The following GSTA1 variants were observed in gnomAD, a reference collection of about 807,000 sequenced individuals.
GSTA1 encodes the protein glutathione S-transferase alpha 1.
A neutral mutation model predicts 21.5 loss-of-function variants in GSTA1; 23 were observed. That is an observed-to-expected ratio of 1.07 (90% confidence interval 0.77 to 1.52). GSTA1 has a LOEUF of 1.52. Among genes scored for constraint, GSTA1 ranks in the 40% most tolerant of loss-of-function variants. The pLI is 0.00. For synonymous variants in GSTA1, 125 were observed against 90.0 expected, an observed-to-expected ratio of 1.39 and a Z score of -2.20; for missense variants, 301 against 264.2, an observed-to-expected ratio of 1.14 and a Z score of -0.96.
At chr6:52,795,344 A>G (rs1226338556) in intron 4 of GSTA1, among the ~76,000 whole-genome samples, 4 of 151,890 alleles carry the variant, frequency 2.6e-5, no homozygotes, top group South Asian at 2.1e-4. Context: ...GCTAAGGCAC[A>G]TTTTTCTCCT....
chr6:52,792,871 G>C lies in GSTA1; in HGVS notation c.531C>G (p.Ser177Arg), dbSNP rs776544278. 40 of 1,613,886 alleles carry C rather than the reference G, an allele frequency of 2.5e-5. No homozygotes were observed. The highest frequency in any genetic ancestry group is 3.4e-5 in the Non-Finnish European group (40 of 1,179,918). Reference protein sequence around the residue: ...VEELDSSLISSFPLLKALKTR... With the variant: ...VEELDSSLISRFPLLKALKTR... ...AATGGGTCACCTTCAGCAGAGGGAA[G>C]CTGGAGATAAGACTGGAGTCAAGCT... Residue 177 changes from serine to arginine, a missense_variant, in exon 6 of 7, where the codon AGC becomes AGG. Coordinates refer to ENST00000334575, the MANE Select transcript of GSTA1 (RefSeq NM_145740.5).
At chr6:52,792,026 A>G in intron 6 of GSTA1, 46 bp from the exon 7 acceptor site, 1 of 1,610,692 alleles carries the variant, frequency 6.2e-7, no homozygotes, top group African/African-American at 1.3e-5. Context: ...AAGGGCTGAC[A>G]CCACCATTAA....
intron 1 of GSTA1, among the ~76,000 whole-genome samples, chr6:52,803,562 G>A (rs976485936): frequency 5.3e-5 from 8 of 151,954 alleles, no homozygotes; most frequent in Admixed American, 3.9e-4. Context: ...AAATGCTGAA[G>A]CCCTGGTTTT....
intron 1 of GSTA1, among the ~76,000 whole-genome samples, chr6:52,802,444 G>C (rs1417871288): frequency 6.6e-6 from 1 of 152,118 alleles, no homozygotes; most frequent in African/African-American, 2.4e-5. Flanking sequence ...ACTTTTGAGG[G>C]TTGTTGAGAA....
chr6:52,799,142 T>C (rs776054945), intron 2 of GSTA1, 39 bp downstream of exon 2: 3 of 1,584,152 alleles, frequency 1.9e-6, no homozygotes. Context: ...GATAACACAA[T>C]TTTAAATCCA....
chr6:52,799,254 G>A lies in GSTA1; in HGVS notation c.14C>T (p.Pro5Leu), dbSNP rs770479043. ...CCGTGCATTGAAGTAGTGGAGCTTG[G>A]GCTTCTCTGCCATGATAGCAGTCTC... MAEK[P>L]KLHYFNARGR... is the part of the protein sequence containing the mutation. The change falls in exon 2 of 7, where the codon CCC becomes CTC. Residue 5 changes from proline (P) to leucine (L), a missense_variant. Transcript: ENST00000334575. The A allele has an allele frequency of 6.2e-6, 10 of 1,613,664 alleles. No homozygotes were observed. The South Asian group carries it at 9.9e-5, about 16-fold the overall frequency.
Position 52,792,842 on chromosome 6 carries a change from G to T in GSTA1, c.546+14C>A. The stretch of plus-strand genomic sequence containing the variant: ...AGATGTGGGGCTGCCTCTCTGGGCT[G>T]TGAAATGGGTCACCTTCAGCAGAGG... On this transcript the variant is annotated intron_variant, in intron 6 of 6. Coordinates refer to ENST00000334575, the MANE Select transcript of GSTA1 (RefSeq NM_145740.5). The T allele has an allele frequency of 6.2e-7, 1 of 1,613,762 alleles. No homozygotes were observed. The highest frequency in any genetic ancestry group is 8.5e-7 in the Non-Finnish European group (1 of 1,179,766).
chr6:52,792,385 C>T (rs1240955576), intron 6 of GSTA1, among the ~76,000 whole-genome samples: 1 of 152,094 alleles, frequency 6.6e-6, no homozygotes, highest in Non-Finnish European at 1.5e-5. Context: ...ACCATGGGAC[C>T]ACCTTTTCTC....
chr6:52,796,489 A>ATATG (rs1763589125), intron 3 of GSTA1, among the ~76,000 whole-genome samples, 175 bp from the exon 4 acceptor site: 3 of 13,080 alleles, frequency 2.3e-4, no homozygotes, highest in African/African-American at 1.3e-3. Flanking sequence ...ATATATATAT[A>ATATG]TGTGTGTGTG....
chr6:52,791,956 G>T lies in GSTA1; in HGVS notation c.571C>A (p.Leu191Met). ...LKALKTRISN[L>M]PTVKKFLQPG... ...TGTAGAAACTTCTTCACTGTGGGCA[G>T]GTTGCTGATTCTGGTTTTCAGGGCC... The change falls in exon 7 of 7, where the codon CTG (leucine) becomes ATG (methionine). Residue 191 changes from leucine to methionine, a missense_variant. Transcript: ENST00000334575. 1 of 1,613,948 alleles carries T rather than the reference G, an allele frequency of 6.2e-7. No individual in the cohort carries two copies. Among genetic ancestry groups the T allele is most frequent in the South Asian group, 1.1e-5 (1 of 91,062 alleles).
intron 2 of GSTA1, 101 bp downstream of exon 2, chr6:52,799,080 G>T: frequency 2.8e-6 from 3 of 1,081,114 alleles, no homozygotes; most frequent in Non-Finnish European, 2.8e-6. Flanking sequence ...TTTTATTTAA[G>T]GCACAATGCT....
chr6:52,799,277 C>T lies in GSTA1; in HGVS notation c.-10G>A, dbSNP rs1268261427. 6.2e-7 allele frequency: 1 copy of T among 1,608,592 alleles called. No individual in the cohort carries two copies. The highest frequency in any genetic ancestry group is 1.7e-5 in the Admixed American group (1 of 58,938). On this transcript the variant is annotated 5_prime_UTR_variant, in exon 2 of 7. Coordinates refer to ENST00000334575, the MANE Select transcript of GSTA1 (RefSeq NM_145740.5). ...TGGGCTTCTCTGCCATGATAGCAGT[C>T]TCCTGGAGGTTTCTCTAAGCCTGAA...
Position 52,792,863 on chromosome 6 carries a change from AGAGGGAAGC to A in GSTA1, c.530_538del (p.Ser177_Leu180delinsMet), listed in dbSNP as rs1426276515. On this transcript the variant is annotated inframe_deletion, in exon 6 of 7. Transcript: ENST00000334575. ...GGCTGTGAAATGGGTCACCTTCAGC[AGAGGGAAGC>A]TGGAGATAAGACTGGAGTCAAGCTC... is the stretch of plus-strand genomic sequence containing the variant. 6.8e-6 allele frequency: 11 copies of A among 1,613,968 alleles called. No homozygotes were observed. Among genetic ancestry groups the A allele is most frequent in the Non-Finnish European group, 9.3e-6 (11 of 1,179,924 alleles).
chr6:52,800,842 A>G (rs1423795792), intron 1 of GSTA1, among the ~76,000 whole-genome samples: 3 of 152,208 alleles, frequency 2.0e-5, no homozygotes. Context: ...TTGAGTGTGG[A>G]ACAAAAATAT....
chr6:52,802,178 T>G (rs1763733575), intron 1 of GSTA1, among the ~76,000 whole-genome samples: 1 of 152,142 alleles, frequency 6.6e-6, no homozygotes, highest in Non-Finnish European at 1.5e-5. Context: ...TATAATTACT[T>G]TACATCAATA....
intron 3 of GSTA1, among the ~76,000 whole-genome samples, 157 bp from the exon 4 acceptor site, chr6:52,796,471 ATATATATATATATATATATGTGTG>A (rs1417780883): frequency 3.8e-3 from 44 of 11,550 alleles, no homozygotes; most frequent in Non-Finnish European, 4.4e-3. Context: ...ATATATATAT[ATATATATATATATATATATGTGTG>A]TGTGTGTGTG....
At position 52,801,821 on chromosome 6, in the gene GSTA1, C is replaced by T. The variant is rs367894101; in HGVS notation, c.-31+1964G>A. On this transcript the variant is annotated intron_variant, in intron 1 of 6. Transcript: ENST00000334575. ...AACCCTGGGAAATGGCTCCTATTAT[C>T]CAAATTAAAGATGGGCACACTGAGT... Among the ~76,000 whole-genome samples the T allele has an allele frequency of 3.3e-5, 5 of 152,158 alleles. No individual in the cohort carries two copies. In the East Asian group the frequency reaches 5.8e-4, roughly 18 times the overall value.
rs1338595217 is a variant in GSTA1 at position 52,794,257 on chromosome 6, C to A, written c.282G>T (p.Met94Ile). The change falls in exon 5 of 7, where the codon ATG (methionine) becomes ATT (isoleucine). Residue 94 changes from methionine to isoleucine, a missense_variant. Transcript: ENST00000334575. ...KDIKERALID[M>I]YIEGIADLGE... ...CCAAATCTGCTATACCTTCTATATA[C>A]ATATCAATCCTGAAAGACAGAAACA... is the stretch of plus-strand genomic sequence containing the variant. 1 of 1,610,930 alleles carries A rather than the reference C, an allele frequency of 6.2e-7. No homozygotes were observed. The highest frequency in any genetic ancestry group is 8.5e-7 in the Non-Finnish European group (1 of 1,178,430).
At chr6:52,803,536 T>G (rs965252558) in intron 1 of GSTA1, among the ~76,000 whole-genome samples, 2 of 152,206 alleles carry the variant, frequency 1.3e-5, no homozygotes, top group African/African-American at 4.8e-5. Context: ...TTCATGTCAT[T>G]GTTTCCCATA....
Sources: gnomAD v4.1 joint callset for allele counts (sites outside exome capture counted in the v4.1 genomes callset) on GRCh38, gnomAD v4.1.1 for gene constraint, MANE v1.5 for transcripts, NCBI Gene and HGNC (gene_info 2026-07-23, HGNC 2026-07-21) for gene names.